The following ADAM18 variants were observed in gnomAD, a reference collection of about 807,000 sequenced individuals.
ADAM18 encodes disintegrin and metalloproteinase domain-containing protein 18.
In ADAM18, 117 loss-of-function variants were observed where a neutral mutation model predicts 94.4. That is an observed-to-expected ratio of 1.24 (90% CI 1.07 to 1.45). The LOEUF (loss-of-function observed/expected upper bound fraction) is 1.45. Ranked by LOEUF, ADAM18 falls within the 40% of genes most tolerant of loss-of-function variation. The pLI, the probability that ADAM18 is intolerant of heterozygous loss-of-function variation, is 0.00. For missense variants in ADAM18, 936 were observed against 880.0 expected, an observed-to-expected ratio of 1.06 and a Z score of -0.81; for synonymous variants, 327 against 291.6, an observed-to-expected ratio of 1.12 and a Z score of -1.24.
intron 18 of ADAM18, among the ~76,000 whole-genome samples, chr8:39,722,683 G>A (rs777815163): frequency 4.6e-5 from 7 of 151,490 alleles, no homozygotes; most frequent in Non-Finnish European, 8.9e-5. Context: ...ATTTTTCAAA[G>A]TGTATACAAC....
chr8:39,629,919 C>A lies in ADAM18; in HGVS notation c.588+480C>A, dbSNP rs1009762549. The stretch of plus-strand genomic sequence containing the variant: ...TCCTCCACTCCAGCTCAGTCAGTAT[C>A]TCTTTGACTTTAACTCCTAATGGGC... On this transcript the variant is annotated intron_variant, in intron 7 of 19. Transcript: ENST00000265707. 2.0e-5 allele frequency among the ~76,000 whole-genome samples: 3 copies of A among 151,906 alleles called. No individual in the cohort carries two copies. In the South Asian group the frequency reaches 6.2e-4, roughly 31 times the overall value.
intron 14 of ADAM18, among the ~76,000 whole-genome samples, chr8:39,670,877 A>G (rs1821134623): frequency 6.6e-6 from 1 of 152,206 alleles, no homozygotes; most frequent in Non-Finnish European, 1.5e-5. Flanking sequence ...GCCAGCACAC[A>G]TGCAATGATT....
Position 39,701,335 on chromosome 8 carries a change from C to T in ADAM18, c.1903-5455C>T, listed in dbSNP as rs184166090. ...TGCTGATATATGTATTGTTCTATTT[C>T]CTAATTTTCACTTTTTAATACGTTG... is the stretch of plus-strand genomic sequence containing the variant. On this transcript the variant is annotated intron_variant, in intron 17 of 19. Transcript: ENST00000265707. Among the ~76,000 whole-genome samples, 402 of 150,962 alleles carry T rather than the reference C, an allele frequency of 2.7e-3. 4 individuals carry two copies. Among genetic ancestry groups the T allele is most frequent in the African/African-American group, 9.2e-3 (380 of 41,158 alleles).
chr8:39,692,721 G>A, intron 17 of ADAM18, 41 bp downstream of exon 17: 1 of 1,488,932 alleles, frequency 6.7e-7, no homozygotes, highest in Non-Finnish European at 9.3e-7. Flanking sequence ...TATTCTTGTG[G>A]GTAATTCAAA....
At chr8:39,708,844 G>A (rs1468646257) in intron 18 of ADAM18, among the ~76,000 whole-genome samples, 1 of 152,196 alleles carries the variant, frequency 6.6e-6, no homozygotes, top group African/African-American at 2.4e-5. Context: ...CAAGGTGCAG[G>A]GGCCAAGGTG....
rs1820920707 is a variant in ADAM18 at position 39,663,903 on chromosome 8, C to T, written c.1326+13C>T. The T allele has an allele frequency of 1.3e-6, 2 of 1,566,928 alleles. No homozygotes were observed. The highest frequency in any genetic ancestry group is 2.7e-5 in the African/African-American group (2 of 73,374). ...ATCAAAGTGTGAGGTAAGTTACTAA[C>T]ATTCATTAAAAGCAAATTGAACTGT... On this transcript the variant is annotated intron_variant, in intron 13 of 19. Transcript: ENST00000265707.
At chr8:39,620,990 A>T (rs1343478834) in intron 6 of ADAM18, among the ~76,000 whole-genome samples, 2 of 152,058 alleles carry the variant, frequency 1.3e-5, no homozygotes, top group African/African-American at 4.8e-5. Context: ...GAACAAAATT[A>T]TGTACATTTA....
chr8:39,666,913 G>A (rs1563298232), intron 13 of ADAM18, among the ~76,000 whole-genome samples: 1 of 152,038 alleles, frequency 6.6e-6, no homozygotes, highest in Non-Finnish European at 1.5e-5. Flanking sequence ...GTTTGTGTGT[G>A]TGTTTGTGTG....
At chr8:39,585,669 T>A (rs1272749534) in intron 2 of ADAM18, among the ~76,000 whole-genome samples, 1 of 152,182 alleles carries the variant, frequency 6.6e-6, no homozygotes, top group African/African-American at 2.4e-5. Context: ...ATTAACAAAT[T>A]TTTTATTGTC....
At chr8:39,629,305 A>T in intron 6 of ADAM18, 69 bp from the exon 7 acceptor site, 11 of 1,237,562 alleles carry the variant, frequency 8.9e-6, no homozygotes, top group Non-Finnish European at 1.3e-5. Context: ...CTGTCTTTAC[A>T]TGTCATCTTT....
intron 2 of ADAM18, among the ~76,000 whole-genome samples, chr8:39,602,585 A>C (rs1418574149): frequency 6.6e-6 from 1 of 152,168 alleles, no homozygotes. Flanking sequence ...GATTTTAAAA[A>C]TATACCGTTA....
chr8:39,678,552 T>C (rs1360921813), intron 15 of ADAM18, among the ~76,000 whole-genome samples: 1 of 152,052 alleles, frequency 6.6e-6, no homozygotes, highest in East Asian at 1.9e-4. Flanking sequence ...GCCACACCTA[T>C]TGGATATTAA....
chr8:39,702,678 G>T (rs1245217614), intron 17 of ADAM18, among the ~76,000 whole-genome samples: 2 of 152,050 alleles, frequency 1.3e-5, no homozygotes, highest in Non-Finnish European at 2.9e-5. Flanking sequence ...TAAGGAAGGG[G>T]TTCAGTTTCA....
At chr8:39,716,818 T>C (rs1468145733) in intron 18 of ADAM18, among the ~76,000 whole-genome samples, 1 of 151,894 alleles carries the variant, frequency 6.6e-6, no homozygotes, top group Non-Finnish European at 1.5e-5. Flanking sequence ...ACCATCATTG[T>C]ATTGATATCT....
chr8:39,605,291 C>A (rs1819040514), intron 2 of ADAM18, among the ~76,000 whole-genome samples: 1 of 152,108 alleles, frequency 6.6e-6, no homozygotes, highest in African/African-American at 2.4e-5. Context: ...TCCAGTTACG[C>A]CCCCCTGAAG....
intron 19 of ADAM18, among the ~76,000 whole-genome samples, chr8:39,725,609 A>G (rs1203371139): frequency 1.3e-5 from 2 of 152,170 alleles, no homozygotes; most frequent in Non-Finnish European, 2.9e-5. Context: ...CATATTTCAC[A>G]CAAATTTTGT....
chr8:39,675,666 G>A (rs1300136206), intron 14 of ADAM18, among the ~76,000 whole-genome samples: 1 of 152,188 alleles, frequency 6.6e-6, no homozygotes, highest in Non-Finnish European at 1.5e-5. Flanking sequence ...TTGTTCCGTT[G>A]CTGGCGAGGA....
chr8:39,654,504 A>G (rs1410658828), intron 12 of ADAM18, among the ~76,000 whole-genome samples: 1 of 146,714 alleles, frequency 6.8e-6, no homozygotes, highest in Non-Finnish European at 1.5e-5. Flanking sequence ...TGCAATAGAC[A>G]TGAGAGTGCA....
At chr8:39,677,585 T>C (rs565265455) in intron 15 of ADAM18, 49 bp downstream of exon 15, 1 of 1,413,836 alleles carries the variant, frequency 7.1e-7, no homozygotes, top group Non-Finnish European at 9.6e-7. Flanking sequence ...AAATTATGTA[T>C]TTTTATCAAG....
Sources: gnomAD v4.1 joint callset for allele counts (sites outside exome capture counted in the v4.1 genomes callset) on GRCh38, gnomAD v4.1.1 for gene constraint, MANE v1.5 for transcripts, NCBI Gene and HGNC (gene_info 2026-07-23, HGNC 2026-07-21) for gene names.